OSBPL2: variants seen among roughly 807,000 people sequenced by gnomAD.
OSBPL2 encodes oxysterol binding protein like 2.
Under a neutral mutation model 58.4 loss-of-function variants are expected in OSBPL2, and 18 were observed. The ratio of observed to expected loss-of-function variants is 0.31; its 90% CI spans 0.21 to 0.46. OSBPL2 has a LOEUF of 0.46. Ranked by LOEUF, OSBPL2 falls within the 20% of genes least tolerant of loss-of-function variation. The pLI is 1.00. For synonymous variants in OSBPL2, 221 were observed against 234.1 expected, an observed-to-expected ratio of 0.94 and a Z score of 0.51; for missense variants, 461 against 616.5, an observed-to-expected ratio of 0.75 and a Z score of 2.67.
At chr20:62,286,364 C>A in intron 10 of OSBPL2, 2 of 458,842 alleles carry the variant, frequency 4.4e-6, no homozygotes, top group Non-Finnish European at 8.0e-6. Flanking sequence ...GCAGGAGAAT[C>A]TCTTGAACTC....
rs188559778 is a variant in OSBPL2, at chr20:62,284,229, G to A, written c.996+60G>A. 3,348 of 1,607,898 alleles carry A rather than the reference G, an allele frequency of 2.1e-3. 13 individuals are homozygous for A. Among genetic ancestry groups the A allele is most frequent in the Non-Finnish European group, 2.5e-3 (2,928 of 1,175,418 alleles). ...CCTGGGTGCTGAGGGCTGCCAGGCC[G>A]CTGCTGCCTTTAGCTCACCTGTTGG... On this transcript the variant is annotated intron_variant, in intron 10 of 13. Coordinates refer to ENST00000313733, the MANE Select transcript of OSBPL2 (RefSeq NM_144498.4).
intron 12 of OSBPL2, among the ~76,000 whole-genome samples, chr20:62,290,408 T>G (rs1254606164): frequency 4.0e-5 from 5 of 123,796 alleles, no homozygotes; most frequent in Non-Finnish European, 8.3e-5. Context: ...GCTAATTTTT[T>G]GGGTTTTTTT....
chr20:62,271,993 TG>T (rs1193560359), intron 4 of OSBPL2, 131 bp from the exon 5 acceptor site: 4 of 1,048,950 alleles, frequency 3.8e-6, no homozygotes, highest in Non-Finnish European at 5.6e-6. Context: ...GGCTCACCCA[TG>T]GGGGGTTTGA....
rs1171043240 is a variant in OSBPL2, at chr20:62,281,042, T to C, written c.675-16T>C. 17 of 1,591,472 alleles carry C rather than the reference T, an allele frequency of 1.1e-5. No homozygotes were observed. Among genetic ancestry groups the C allele is most frequent in the Non-Finnish European group, 1.4e-5 (16 of 1,159,556 alleles). On this transcript the variant is annotated splice_polypyrimidine_tract_variant and intron_variant, in intron 7 of 13. Coordinates refer to ENST00000313733, the MANE Select transcript of OSBPL2 (RefSeq NM_144498.4). ...TTTTCTGGACTCTCACTGCTTGTTTTCTGGTGTCTTCACAGACATAATGAA... is the reference window on the plus strand; with the variant it reads ...TTTTCTGGACTCTCACTGCTTGTTTCCTGGTGTCTTCACAGACATAATGAA...
At chr20:62,282,451 T>C (rs1032432291) in intron 9 of OSBPL2, among the ~76,000 whole-genome samples, 6 of 152,226 alleles carry the variant, frequency 3.9e-5, no homozygotes, top group Non-Finnish European at 8.8e-5. Context: ...ATTTGTTTTT[T>C]TCGTAAGGAA....
rs1245222924 is a variant in OSBPL2 at position 62,281,797 on chromosome 20, C to G, written c.790C>G (p.His264Asp). The change falls in exon 9 of 14, where the codon CAT (histidine) becomes GAT (aspartate). Residue 264 changes from histidine (H) to aspartate (D), a missense_variant. Transcript: ENST00000313733. ...TVEILNHRTGHKCVLHFKPCG... is the reference protein window; with the variant it reads ...TVEILNHRTGDKCVLHFKPCG... ...TGTTTGTTTTTCTCACAGAACTGGA[C>G]ATAAGTGTGTGCTTCACTTTAAACC... The G allele has an allele frequency of 1.2e-6, 2 of 1,607,840 alleles. No individual in the cohort carries two copies. The highest frequency in any genetic ancestry group is 1.3e-5 in the African/African-American group (1 of 74,972).
intron 9 of OSBPL2, among the ~76,000 whole-genome samples, chr20:62,283,663 C>T (rs749933164): frequency 1.7e-4 from 26 of 152,146 alleles, no homozygotes; most frequent in Non-Finnish European, 3.2e-4. Flanking sequence ...TGCAGCTTTA[C>T]ATTTTAAAAC....
chr20:62,263,861 C>G (rs539197511), intron 4 of OSBPL2, among the ~76,000 whole-genome samples, 170 bp downstream of exon 4: 1 of 152,020 alleles, frequency 6.6e-6, no homozygotes, highest in East Asian at 1.9e-4. Flanking sequence ...GTCAGGAGAT[C>G]GAGACCATCC....
intron 9 of OSBPL2, 114 bp downstream of exon 9, chr20:62,281,993 C>A: frequency 1.6e-6 from 1 of 628,462 alleles, no homozygotes; most frequent in South Asian, 1.9e-5. Context: ...GCGGGTACAC[C>A]AGTGCCATCT....
rs1219485740 is a variant in OSBPL2, at chr20:62,290,725, TTTTTTTTTG to T, written c.1250-960_1250-952del. Among the ~76,000 whole-genome samples the T allele has an allele frequency of 5.8e-3, 873 of 150,726 alleles. 14 individuals are homozygous for T. The highest frequency in any genetic ancestry group is 0.019 in the African/African-American group (790 of 40,872). On this transcript the variant is annotated intron_variant, in intron 12 of 13. Coordinates refer to ENST00000313733, the MANE Select transcript of OSBPL2 (RefSeq NM_144498.4). ...ATGAACCACTGTGCCTGGCCAGGTTTTTTTTTTTGTTTTTTTTGTTTTTTTTTTTTGAGA... is the reference window on the plus strand; with the variant it reads ...ATGAACCACTGTGCCTGGCCAGGTTTTTTTTTTTGTTTTTTTTTTTTGAGA...
Position 62,240,096 on chromosome 20 carries a change from G to A in OSBPL2, c.-129+1499G>A, listed in dbSNP as rs551730369. ...TCGAACTCCTAACCTCAAGGGATCC[G>A]CCTGCCTCAGCCTCCCAAAGTGCTA... is the stretch of plus-strand genomic sequence containing the variant. On this transcript the variant is annotated intron_variant, in intron 1 of 13. Transcript: ENST00000313733. Among the ~76,000 whole-genome samples, 3 of 152,088 alleles carry A rather than the reference G, an allele frequency of 2.0e-5. No individual in the cohort carries two copies. The East Asian group carries it at 5.8e-4, about 30-fold the overall frequency.
chr20:62,280,281 A>G (rs529296541), intron 7 of OSBPL2: 121 of 425,812 alleles, frequency 2.8e-4, no homozygotes, highest in African/African-American at 2.4e-3. Flanking sequence ...AGAAGGTTCC[A>G]CAAGGACCTG....
At chr20:62,279,549 G>T in intron 7 of OSBPL2, 2 of 570,404 alleles carry the variant, frequency 3.5e-6, no homozygotes, top group Non-Finnish European at 3.1e-6. Flanking sequence ...GTTGGAATTC[G>T]CCCCCCTTTC....
Position 62,293,892 on chromosome 20 carries a change from C to G in OSBPL2, c.*5C>G, listed in dbSNP as rs201425959. 11 of 1,613,112 alleles carry G rather than the reference C, an allele frequency of 6.8e-6. No homozygotes were observed. The East Asian group carries it at 2.5e-4, about 36-fold the overall frequency. ...GACTGCCCAGATATCTACTGAGGGC[C>G]TGGAGGGGCCTGGGGCCCGGGACCG... On this transcript the variant is annotated 3_prime_UTR_variant, in exon 14 of 14. Coordinates refer to ENST00000313733, the MANE Select transcript of OSBPL2 (RefSeq NM_144498.4).
rs552276571 is a variant in OSBPL2 at position 62,259,893 on chromosome 20, C to A, written c.38-88C>A. 661 of 1,224,212 alleles carry A rather than the reference C, an allele frequency of 5.4e-4. 1 individual carries two copies. Among genetic ancestry groups the A allele is most frequent in the Admixed American group, 1.3e-3 (65 of 51,364 alleles). The allele number at this position is 1,224,212 out of a possible 1,614,324, so 75.8% of individuals were successfully genotyped here. On this transcript the variant is annotated intron_variant, in intron 2 of 13. Coordinates refer to ENST00000313733, the MANE Select transcript of OSBPL2 (RefSeq NM_144498.4). ...TTCACACAACTGAGCTCTGTAGTCA[C>A]CTGCTTGCATAGTCAGAATTCTTGG...
At chr20:62,258,068 G>A (rs1202268364) in intron 2 of OSBPL2, among the ~76,000 whole-genome samples, 3 of 152,266 alleles carry the variant, frequency 2.0e-5, no homozygotes, top group African/African-American at 4.8e-5. Flanking sequence ...TCCCAGCTGT[G>A]TGTGATGTGG....
intron 1 of OSBPL2, among the ~76,000 whole-genome samples, chr20:62,240,741 G>A (rs185790544): frequency 6.6e-6 from 1 of 152,188 alleles, no homozygotes; most frequent in Non-Finnish European, 1.5e-5. Flanking sequence ...AGAACTAATA[G>A]ACTTTCTTTT....
At chr20:62,256,468 G>T (rs1426551813) in intron 2 of OSBPL2, among the ~76,000 whole-genome samples, 1 of 152,170 alleles carries the variant, frequency 6.6e-6, no homozygotes, top group South Asian at 2.1e-4. Flanking sequence ...ATTTTCATTT[G>T]TCTCCTGAGA....
chr20:62,270,364 T>A (rs147690786), intron 4 of OSBPL2, among the ~76,000 whole-genome samples: 2,157 of 145,904 alleles, frequency 0.015, 22 homozygotes, highest in Non-Finnish European at 0.022. Flanking sequence ...CTCTGGGTCC[T>A]CTCCTTGTCC....
Sources: allele counts gnomAD v4.1 joint callset (sites outside exome capture counted in the v4.1 genomes callset), GRCh38; gene constraint gnomAD v4.1.1; transcripts MANE v1.5; gene names NCBI Gene and HGNC (gene_info 2026-07-23, HGNC 2026-07-21).